SNX29: variants seen among roughly 807,000 people sequenced by gnomAD.
SNX29 encodes sorting nexin-29.
Under a neutral mutation model 102.1 loss-of-function variants are expected in SNX29, and 78 were observed. The observed-to-expected ratio is 0.76, with a 90% CI of 0.64 to 0.92. The LOEUF (loss-of-function observed/expected upper bound fraction) is 0.92. SNX29 is among the 40% of genes least tolerant of loss of function. The pLI is 0.00. For synonymous variants in SNX29, 580 were observed against 414.5 expected (o/e 1.40, Z -4.85); for missense variants, 1,280 against 1,061.7 (o/e 1.21, Z -2.86).
Position 12,048,519 on chromosome 16 carries a change from G to T in SNX29, c.647G>T (p.Ser216Ile). ...AAGGAGTCCACGCAAGGAGTGAGCA[G>T]CCTGTTCAGGGAGATCACAGCCTCC... The part of the protein sequence containing the change: ...LLKESTQGVS[S>I]LFREITASSA... The change falls in exon 7 of 21, where the codon AGC becomes ATC. Residue 216 changes from serine (S) to isoleucine (I), a missense_variant. By Grantham distance (142) the Ser-to-Ile change is moderately radical. Transcript: ENST00000566228. The T allele has an allele frequency of 1.2e-6, 2 of 1,613,956 alleles. No homozygotes were observed. The highest frequency in any genetic ancestry group is 1.3e-5 in the African/African-American group (1 of 75,032).
chr16:12,540,950 G>A (rs760432353), intron 20 of SNX29, among the ~76,000 whole-genome samples: 5 of 152,024 alleles, frequency 3.3e-5, no homozygotes, highest in Non-Finnish European at 5.9e-5. Context: ...GGGTCAGGCT[G>A]CCTGTAGTTC....
At chr16:12,126,596 C>A in intron 11 of SNX29, 37 bp from the exon 12 acceptor site, 1 of 1,609,288 alleles carries the variant, frequency 6.2e-7, no homozygotes, top group Non-Finnish European at 8.5e-7. Flanking sequence ...ACAGGCAAGA[C>A]CTGCCAATTA....
At chr16:12,031,497 C>A (rs1178629339) in intron 4 of SNX29, among the ~76,000 whole-genome samples, 1 of 151,582 alleles carries the variant, frequency 6.6e-6, no homozygotes, top group African/African-American at 2.4e-5. Flanking sequence ...ACTGGCGAAA[C>A]TTCTATTCTC....
intron 20 of SNX29, among the ~76,000 whole-genome samples, chr16:12,567,359 C>A (rs976666167): frequency 1.1e-4 from 17 of 152,156 alleles, no homozygotes; most frequent in African/African-American, 3.9e-4. Context: ...AGGTTTTTGC[C>A]TTGTTTTAAA....
chr16:12,562,252 A>T (rs1243074349), intron 20 of SNX29, among the ~76,000 whole-genome samples: 1 of 152,166 alleles, frequency 6.6e-6, no homozygotes. Flanking sequence ...GAGGGCATTC[A>T]CTAAGCAGCA....
intron 15 of SNX29, among the ~76,000 whole-genome samples, chr16:12,331,763 G>A (rs2081298301): frequency 6.6e-6 from 1 of 152,172 alleles, no homozygotes; most frequent in African/African-American, 2.4e-5. Context: ...TGTTGGCCAG[G>A]CTGGTCTTGA....
At chr16:12,365,613 C>G (rs993589037) in intron 16 of SNX29, among the ~76,000 whole-genome samples, 4 of 151,426 alleles carry the variant, frequency 2.6e-5, no homozygotes, top group Admixed American at 1.3e-4. Flanking sequence ...TCGCTTGAAC[C>G]CGGGTGGCGG....
chr16:12,501,074 C>G (rs1597627527), intron 19 of SNX29, among the ~76,000 whole-genome samples: 1 of 152,150 alleles, frequency 6.6e-6, no homozygotes, highest in Non-Finnish European at 1.5e-5. Flanking sequence ...GCTCCAGGCT[C>G]TCACCGCTTC....
intron 13 of SNX29, among the ~76,000 whole-genome samples, chr16:12,171,968 G>A (rs1291558709): frequency 6.6e-6 from 1 of 152,156 alleles, no homozygotes; most frequent in Non-Finnish European, 1.5e-5. Flanking sequence ...ACGAGGATGC[G>A]GTGAGAATTC....
chr16:12,152,972 T>A (rs938779839), intron 13 of SNX29, among the ~76,000 whole-genome samples: 2 of 152,216 alleles, frequency 1.3e-5, no homozygotes, highest in South Asian at 4.1e-4. Context: ...GAACGTCCCC[T>A]GCCATCCATC....
chr16:12,380,330 ATACCCC>A (rs2083027703), intron 16 of SNX29, among the ~76,000 whole-genome samples: 1 of 26,124 alleles, frequency 3.8e-5, no homozygotes, highest in Non-Finnish European at 7.7e-5. Flanking sequence ...CCACCCACCC[ATACCCC>A]CCACCCACCC....
chr16:12,391,972 G>C (rs7199220), intron 16 of SNX29, among the ~76,000 whole-genome samples: 80,327 of 152,092 alleles, frequency 0.53, 22,228 homozygotes, highest in East Asian at 0.64. Context: ...ATAGATCATC[G>C]TCTCTCCTCT....
chr16:12,144,799 G>A (rs1250144993), intron 13 of SNX29, among the ~76,000 whole-genome samples: 2 of 152,192 alleles, frequency 1.3e-5, no homozygotes, highest in Admixed American at 6.5e-5. Context: ...TCTGCTCGCT[G>A]GAAGCTCCTC....
At chr16:12,018,235 A>G (rs2056908236) in intron 3 of SNX29, among the ~76,000 whole-genome samples, 1 of 152,138 alleles carries the variant, frequency 6.6e-6, no homozygotes. Flanking sequence ...GCCGTTTAAC[A>G]AAATTTTATG....
intron 15 of SNX29, among the ~76,000 whole-genome samples, chr16:12,305,984 C>T (rs936991125): frequency 2.6e-5 from 4 of 151,924 alleles, no homozygotes; most frequent in Admixed American, 6.6e-5. Context: ...AAATAGTCCT[C>T]GTTTTATACT....
At chr16:12,169,547 A>C (rs1032764727) in intron 13 of SNX29, among the ~76,000 whole-genome samples, 2 of 152,032 alleles carry the variant, frequency 1.3e-5, no homozygotes, top group Admixed American at 1.3e-4. Flanking sequence ...TGTGAACAGG[A>C]GGGGATGGCA....
In SNX29 at chr16:12,209,657, T is replaced by C. The variant is rs1456508864; in HGVS notation, c.1678+9974T>C. ...GGCCACCAGCTGCGTGTTTGACTGC[T>C]CTATAGTCTCATCAGGACCACTTAG... is the stretch of plus-strand genomic sequence containing the variant. On this transcript the variant is annotated intron_variant, in intron 14 of 20. Transcript: ENST00000566228. Among the ~76,000 whole-genome samples the C allele has an allele frequency of 3.3e-5, 5 of 152,280 alleles. No individual in the cohort carries two copies. In the South Asian group the frequency reaches 1.0e-3, roughly 32 times the overall value.
chr16:12,350,113 T>A (rs1330436578), intron 15 of SNX29, among the ~76,000 whole-genome samples: 1 of 151,966 alleles, frequency 6.6e-6, no homozygotes, highest in East Asian at 1.9e-4. Flanking sequence ...TGTCATAGAG[T>A]CACTTGCCGT....
chr16:12,565,679 C>T (rs138362032), intron 20 of SNX29, among the ~76,000 whole-genome samples: 2 of 152,280 alleles, frequency 1.3e-5, no homozygotes, highest in African/African-American at 2.4e-5. Context: ...CCCGAGCTAA[C>T]CCTGCCTTCC....
Sources: gnomAD v4.1 joint callset for allele counts (sites outside exome capture counted in the v4.1 genomes callset) on GRCh38, gnomAD v4.1.1 for gene constraint, MANE v1.5 for transcripts, NCBI Gene and HGNC (gene_info 2026-07-23, HGNC 2026-07-21) for gene names.